Variants in ZNF804B observed in about 807,000 individuals in gnomAD.
ZNF804B encodes the protein zinc finger protein 804B, also known as zinc finger 804B.
ZNF804B carries 80 observed loss-of-function variants against 101.4 expected under a neutral mutation model. The ratio of observed to expected loss-of-function variants is 0.79; its 90% CI spans 0.66 to 0.95. ZNF804B has a LOEUF of 0.95. Among genes scored for constraint, ZNF804B ranks in the 40% least tolerant of loss-of-function variants. The pLI is 0.00. For missense variants in ZNF804B, 1,673 were observed against 1,561.9 expected (o/e 1.07, Z -1.20); for synonymous variants, 622 against 558.8 (o/e 1.11, Z -1.59).
chr7:89,175,319 T>C (rs1791301567), intron 1 of ZNF804B, among the ~76,000 whole-genome samples: 1 of 152,122 alleles, frequency 6.6e-6, no homozygotes, highest in South Asian at 2.1e-4. Flanking sequence ...CTCAGCACCA[T>C]TTATTGAAGA....
At chr7:88,979,591 C>A (rs1243286885) in intron 1 of ZNF804B, among the ~76,000 whole-genome samples, 1 of 138,472 alleles carries the variant, frequency 7.2e-6, no homozygotes, top group Non-Finnish European at 1.5e-5. Flanking sequence ...TCCTTTCTTT[C>A]TTTTTTCTTT....
At chr7:89,012,966 A>C (rs1562859555) in intron 1 of ZNF804B, among the ~76,000 whole-genome samples, 1 of 152,218 alleles carries the variant, frequency 6.6e-6, no homozygotes. Flanking sequence ...TCATGGCAGA[A>C]GGCACATCTT....
At chr7:88,866,169 A>C (rs758883530) in intron 1 of ZNF804B, among the ~76,000 whole-genome samples, 2 of 152,262 alleles carry the variant, frequency 1.3e-5, no homozygotes, top group Non-Finnish European at 2.9e-5. Flanking sequence ...TAATACATAA[A>C]ATTTCACCTT....
chr7:88,990,951 T>C (rs1361912922), intron 1 of ZNF804B, among the ~76,000 whole-genome samples: 1 of 152,112 alleles, frequency 6.6e-6, no homozygotes, highest in Non-Finnish European at 1.5e-5. Context: ...TGGTCATAGG[T>C]AGGAATGATC....
intron 1 of ZNF804B, among the ~76,000 whole-genome samples, chr7:89,127,406 A>C (rs1363194267): frequency 5.9e-5 from 9 of 151,864 alleles, no homozygotes; most frequent in Non-Finnish European, 1.0e-4. Flanking sequence ...AGGCAGAGTT[A>C]TCTTAAGTGA....
intron 1 of ZNF804B, among the ~76,000 whole-genome samples, chr7:89,102,173 C>T (rs768991279): frequency 5.0e-4 from 76 of 151,926 alleles, no homozygotes; most frequent in Non-Finnish European, 7.4e-4. Flanking sequence ...GATTTCCTTT[C>T]CTTTGGGTAG....
intron 1 of ZNF804B, among the ~76,000 whole-genome samples, chr7:88,821,313 T>C (rs896164445): frequency 6.6e-6 from 1 of 152,194 alleles, no homozygotes; most frequent in African/African-American, 2.4e-5. Flanking sequence ...TTTACTTAAA[T>C]CCTACTTTAA....
At chr7:88,785,732 C>T (rs1790292272) in intron 1 of ZNF804B, among the ~76,000 whole-genome samples, 1 of 152,010 alleles carries the variant, frequency 6.6e-6, no homozygotes, top group African/African-American at 2.4e-5. Context: ...TTCTTCTTGC[C>T]TTCAGATTTT....
chr7:88,837,714 T>C (rs1791235221), intron 1 of ZNF804B, among the ~76,000 whole-genome samples: 1 of 151,880 alleles, frequency 6.6e-6, no homozygotes, highest in Admixed American at 6.6e-5. Context: ...TATTAAAATA[T>C]TCCTCTTTTT....
chr7:88,796,241 G>A (rs17164403), intron 1 of ZNF804B, among the ~76,000 whole-genome samples: 4 of 151,738 alleles, frequency 2.6e-5, no homozygotes, highest in Non-Finnish European at 4.4e-5. Context: ...TTTTAACAAT[G>A]AAACCTAAGA....
chr7:89,160,178 A>G (rs555333531), intron 1 of ZNF804B, among the ~76,000 whole-genome samples: 1 of 152,284 alleles, frequency 6.6e-6, no homozygotes, highest in African/African-American at 2.4e-5. Context: ...AATTTGGCCA[A>G]GAAAACCTAT....
At chr7:88,934,209 A>T (rs1792933350) in intron 1 of ZNF804B, among the ~76,000 whole-genome samples, 1 of 152,034 alleles carries the variant, frequency 6.6e-6, no homozygotes, top group Non-Finnish European at 1.5e-5. Flanking sequence ...CTGACAAGCC[A>T]CATGTAGATA....
At chr7:88,906,696 T>C (rs559793608) in intron 1 of ZNF804B, among the ~76,000 whole-genome samples, 183 of 152,214 alleles carry the variant, frequency 1.2e-3, no homozygotes, top group African/African-American at 4.2e-3. Flanking sequence ...CAGATGAAAA[T>C]AATGTATATT....
At chr7:89,150,093 G>T (rs997151145) in intron 1 of ZNF804B, among the ~76,000 whole-genome samples, 1 of 151,988 alleles carries the variant, frequency 6.6e-6, no homozygotes, top group Non-Finnish European at 1.5e-5. Context: ...ATTTTCAGGA[G>T]TGTGATGAAA....
rs370554598 is a variant in ZNF804B, at chr7:89,220,841, C to A, written c.249+2546C>A. Among the ~76,000 whole-genome samples the A allele has an allele frequency of 3.9e-5, 6 of 152,046 alleles. No homozygotes were observed. In the East Asian group the frequency reaches 9.7e-4, roughly 24 times the overall value. ...TATTTTAATCTATAGGTTTTTCCAT[C>A]TCTTTTAAAATTGTACATTTTGCAG... On this transcript the variant is annotated intron_variant, in intron 2 of 3. Coordinates refer to ENST00000333190, the MANE Select transcript of ZNF804B (RefSeq NM_181646.5).
intron 1 of ZNF804B, among the ~76,000 whole-genome samples, chr7:88,825,927 C>G (rs538877580): frequency 6.6e-6 from 1 of 152,224 alleles, no homozygotes; most frequent in African/African-American, 2.4e-5. Context: ...ACAAATAGTT[C>G]CTATTTTATT....
intron 1 of ZNF804B, among the ~76,000 whole-genome samples, chr7:88,987,144 C>G (rs1276238395): frequency 1.3e-5 from 2 of 152,210 alleles, no homozygotes; most frequent in East Asian, 3.9e-4. Context: ...TTACTAAGCT[C>G]TCTTCATCAA....
At chr7:89,104,345 C>T (rs1401578337) in intron 1 of ZNF804B, among the ~76,000 whole-genome samples, 2 of 152,030 alleles carry the variant, frequency 1.3e-5, no homozygotes, top group Admixed American at 1.3e-4. Context: ...TAAAATTCAG[C>T]TGTGAATCTA....
intron 1 of ZNF804B, among the ~76,000 whole-genome samples, chr7:88,860,767 A>C (rs553127978): frequency 7.9e-5 from 12 of 152,176 alleles, no homozygotes; most frequent in Non-Finnish European, 1.6e-4. Context: ...CCAATGTGAG[A>C]TATAAAGGAA....
Sources: gnomAD v4.1 joint callset for allele counts (sites outside exome capture counted in the v4.1 genomes callset) on GRCh38, gnomAD v4.1.1 for gene constraint, MANE v1.5 for transcripts, NCBI Gene and HGNC (gene_info 2026-07-23, HGNC 2026-07-21) for gene names.